Variants in NAV2 observed in about 807,000 individuals in gnomAD.
NAV2 encodes the protein neuron navigator 2.
A neutral mutation model predicts 223.2 loss-of-function variants in NAV2; 54 were observed. That is an observed-to-expected ratio of 0.24 (90% CI 0.19 to 0.30). The LOEUF (loss-of-function observed/expected upper bound fraction) is 0.30. NAV2 is among the 10% of genes least tolerant of loss of function. The pLI, the probability that NAV2 is intolerant of heterozygous loss-of-function variation, is 1.00. For synonymous variants in NAV2, 1,279 were observed against 1,239.3 expected (o/e 1.03, Z -0.67); for missense variants, 2,806 against 3,147.5 (o/e 0.89, Z 2.60).
chr11:20,056,640 G>A (rs756556748), intron 19 of NAV2: 1 of 1,582,192 alleles, frequency 6.3e-7, no homozygotes, highest in South Asian at 1.1e-5. Flanking sequence ...TGAGTAAGCA[G>A]TCAAAATTCT....
At chr11:19,413,608 C>T (rs60522528) in intron 1 of NAV2, among the ~76,000 whole-genome samples, 1 of 152,142 alleles carries the variant, frequency 6.6e-6, no homozygotes, top group East Asian at 1.9e-4. Context: ...AGAGCAACCC[C>T]AAAACACATA....
intron 1 of NAV2, among the ~76,000 whole-genome samples, chr11:19,663,637 C>A (rs1414048563): frequency 1.3e-5 from 2 of 152,144 alleles, no homozygotes; most frequent in South Asian, 2.1e-4. Context: ...GCTCTCATTG[C>A]TTATCCTCCT....
chr11:20,057,415 C>A (rs965702488), intron 19 of NAV2, among the ~76,000 whole-genome samples: 1 of 152,038 alleles, frequency 6.6e-6, no homozygotes, highest in African/African-American at 2.4e-5. Context: ...GTCTGTAAAT[C>A]CATATATGGG....
intron 1 of NAV2, among the ~76,000 whole-genome samples, chr11:19,518,847 G>A (rs367731172): frequency 3.5e-4 from 53 of 152,176 alleles, no homozygotes; most frequent in African/African-American, 1.2e-3. Flanking sequence ...GGGATTAGGA[G>A]GCGGGGCCTT....
chr11:19,578,717 T>G (rs1213406867), intron 1 of NAV2, among the ~76,000 whole-genome samples: 2 of 152,260 alleles, frequency 1.3e-5, no homozygotes, highest in African/African-American at 4.8e-5. Context: ...TTTTGGCTTG[T>G]GTGCCAAATC....
At chr11:19,416,649 A>G (rs1457751902) in intron 1 of NAV2, among the ~76,000 whole-genome samples, 2 of 152,218 alleles carry the variant, frequency 1.3e-5, no homozygotes, top group Admixed American at 1.3e-4. Flanking sequence ...GACAATCCTA[A>G]GCAAAAAGAA....
chr11:20,049,672 G>C (rs1591843780), intron 15 of NAV2, among the ~76,000 whole-genome samples, 164 bp from the exon 16 acceptor site: 1 of 152,122 alleles, frequency 6.6e-6, no homozygotes, highest in East Asian at 1.9e-4. Context: ...AGTGTTCTCA[G>C]AGCCCTGGAT....
At chr11:19,480,765 C>T (rs1421308967) in intron 1 of NAV2, among the ~76,000 whole-genome samples, 3 of 152,222 alleles carry the variant, frequency 2.0e-5, no homozygotes, top group Non-Finnish European at 2.9e-5. Context: ...TGGCCCTTGT[C>T]ATGTAAATTG....
chr11:19,730,543 A>G (rs986619919), intron 1 of NAV2, among the ~76,000 whole-genome samples: 3 of 152,190 alleles, frequency 2.0e-5, no homozygotes, highest in Non-Finnish European at 2.9e-5. Context: ...CAGAGGCCAG[A>G]CGCTGACTTC....
In NAV2 at chr11:19,631,729, G is replaced by A. The variant is rs201347826; in HGVS notation, c.76-200755G>A. Among the ~76,000 whole-genome samples, 35 of 152,330 alleles carry A rather than the reference G, an allele frequency of 2.3e-4. No individual in the cohort carries two copies. The South Asian group carries it at 6.6e-3, about 29-fold the overall frequency. ...GCACCTAGAAGGCACCCTCTGAGTG[G>A]TGGCTGTGGTGCCCACTAGTGTCCC... On this transcript the variant is annotated intron_variant, in intron 1 of 37. Coordinates refer to the NAV2 transcript ENST00000360655.
At chr11:19,431,442 G>T (rs920042003) in intron 1 of NAV2, among the ~76,000 whole-genome samples, 1 of 152,184 alleles carries the variant, frequency 6.6e-6, no homozygotes, top group African/African-American at 2.4e-5. Flanking sequence ...GAGCACAGAA[G>T]CCACAAAAAG....
intron 15 of NAV2, chr11:20,049,396 A>AT: frequency 3.5e-6 from 2 of 567,244 alleles, no homozygotes; most frequent in South Asian, 2.5e-5. Context: ...CTCTGTGGTT[A>AT]TTTTTGGTGC....
At chr11:19,625,753 A>G (rs2047151852) in intron 1 of NAV2, among the ~76,000 whole-genome samples, 1 of 152,114 alleles carries the variant, frequency 6.6e-6, no homozygotes, top group South Asian at 2.1e-4. Context: ...AACTGGGGTG[A>G]GATGACACCC....
chr11:19,859,607 C>T (rs1032622728), intron 3 of NAV2, among the ~76,000 whole-genome samples: 50 of 152,112 alleles, frequency 3.3e-4, no homozygotes, highest in African/African-American at 1.1e-3. Context: ...CCTTTCTATT[C>T]CACAAAACCG....
Position 20,045,644 on chromosome 11 carries a change from A to G in NAV2, c.3876A>G (p.Pro1292=). 6.2e-7 allele frequency: 1 copy of G among 1,614,150 alleles called. No individual in the cohort carries two copies. Among genetic ancestry groups the G allele is most frequent in the South Asian group, 1.1e-5 (1 of 91,074 alleles). ...GTCTCCAGCCTGGAGCCAAGTACCCAGATGTGGCCTCTCCCACACTCCGCA... is the reference window on the plus strand; with the variant it reads ...GTCTCCAGCCTGGAGCCAAGTACCCGGATGTGGCCTCTCCCACACTCCGCA... The part of the protein sequence containing the change: ...QTSLQPGAKY[P]DVASPTLRRL... The change falls in exon 14 of 38, where the codon CCA becomes CCG. Residue 1292 remains proline (P), a synonymous_variant. Transcript: ENST00000349880.
At chr11:19,780,275 A>G (rs1235504712) in intron 1 of NAV2, among the ~76,000 whole-genome samples, 1 of 152,232 alleles carries the variant, frequency 6.6e-6, no homozygotes, top group Non-Finnish European at 1.5e-5. Flanking sequence ...GTGACTGCCC[A>G]GGTCCAAAGC....
At chr11:19,597,501 A>G (rs931005557) in intron 1 of NAV2, among the ~76,000 whole-genome samples, 2 of 152,218 alleles carry the variant, frequency 1.3e-5, no homozygotes, top group African/African-American at 4.8e-5. Flanking sequence ...TTGGAGGGCT[A>G]TGAAGAAGCC....
At chr11:19,883,729 C>A (rs766193397) in intron 5 of NAV2, among the ~76,000 whole-genome samples, 1 of 152,090 alleles carries the variant, frequency 6.6e-6, no homozygotes, top group Non-Finnish European at 1.5e-5. Flanking sequence ...AACTAAAATT[C>A]TTTATATGTA....
intron 1 of NAV2, among the ~76,000 whole-genome samples, chr11:19,827,562 AG>A (rs1448742891): frequency 6.6e-6 from 1 of 152,224 alleles, no homozygotes; most frequent in Non-Finnish European, 1.5e-5. Flanking sequence ...CCCAGGGCCA[AG>A]GGCCAGCTTG....
Sources: allele counts gnomAD v4.1 joint callset (sites outside exome capture counted in the v4.1 genomes callset), GRCh38; gene constraint gnomAD v4.1.1; transcripts MANE v1.5; gene names NCBI Gene and HGNC (gene_info 2026-07-23, HGNC 2026-07-21).